The following PRKN variants were observed in gnomAD, a reference collection of about 807,000 sequenced individuals.
PRKN encodes the protein parkin RBR E3 ubiquitin protein ligase.
PRKN carries 56 observed loss-of-function variants against 59.5 expected under a neutral mutation model. That is an observed-to-expected ratio of 0.94 (90% CI 0.76 to 1.18). PRKN has a LOEUF of 1.18. Ranked by LOEUF, PRKN falls within the 50% of genes most tolerant of loss-of-function variation. PRKN has a pLI of 0.00. For missense variants in PRKN, 657 were observed against 596.4 expected (o/e 1.10, Z -1.06); for synonymous variants, 250 against 222.1 (o/e 1.13, Z -1.12).
intron 2 of PRKN, among the ~76,000 whole-genome samples, chr6:162,264,483 A>G (rs2128100861): frequency 6.6e-6 from 1 of 151,834 alleles, no homozygotes. Context: ...GGTGCCCAGC[A>G]CTCACCAACA....
intron 1 of PRKN, among the ~76,000 whole-genome samples, chr6:162,722,407 T>C (rs1476185698): frequency 6.6e-6 from 1 of 152,222 alleles, no homozygotes. Flanking sequence ...GGAGGTGAGC[T>C]GCAACATAAA....
chr6:161,882,987 A>C (rs1425985582), intron 6 of PRKN, among the ~76,000 whole-genome samples: 1 of 151,772 alleles, frequency 6.6e-6, no homozygotes, highest in Non-Finnish European at 1.5e-5. Context: ...CCTGGGCGAC[A>C]AAGTGAGACT....
In PRKN at chr6:161,401,795, T is replaced by G. The variant is rs536700396; in HGVS notation, c.1084-14918A>C. 6.6e-6 allele frequency among the ~76,000 whole-genome samples: 1 copy of G among 152,314 alleles called. No individual in the cohort carries two copies. The highest frequency in any genetic ancestry group is 2.4e-5 in the African/African-American group (1 of 41,564). On this transcript the variant is annotated intron_variant, in intron 9 of 11. Coordinates refer to ENST00000366898, the MANE Select transcript of PRKN (RefSeq NM_004562.3). This position sits in a 1 kb window ranked among gnomAD's most constrained non-coding sequence, Gnocchi z 4.4. ...GGATTTCCGGGGGCTGGACTGGATC[T>G]CAGATGTTTCTGGCCCAGAACCTCT...
chr6:161,646,425 C>T (rs112561967), intron 7 of PRKN, among the ~76,000 whole-genome samples: 2 of 77,694 alleles, frequency 2.6e-5, no homozygotes, highest in East Asian at 7.6e-4. Context: ...TGACAGTGGT[C>T]ACTGCGTGTG....
chr6:161,820,142 A>G (rs1791960679), intron 6 of PRKN, among the ~76,000 whole-genome samples: 2 of 152,100 alleles, frequency 1.3e-5, no homozygotes, highest in Admixed American at 1.3e-4. Flanking sequence ...TTTTTACCAG[A>G]AAGAGAGCAT....
chr6:162,066,278 A>G (rs930345847), intron 4 of PRKN, among the ~76,000 whole-genome samples: 2 of 152,146 alleles, frequency 1.3e-5, no homozygotes, highest in African/African-American at 2.4e-5. Context: ...GCATCCTTCA[A>G]TCGAATCAAG....
chr6:162,344,863 G>T (rs1330306881), intron 2 of PRKN, among the ~76,000 whole-genome samples: 1 of 152,200 alleles, frequency 6.6e-6, no homozygotes, highest in African/African-American at 2.4e-5. Flanking sequence ...TTGGGTTGAA[G>T]CAGTTGCTCA....
intron 7 of PRKN, among the ~76,000 whole-genome samples, chr6:161,763,244 G>A (rs1484415710): frequency 2.0e-5 from 3 of 152,126 alleles, no homozygotes; most frequent in Non-Finnish European, 4.4e-5. Context: ...GAGTTGGCAC[G>A]TTCCTGCCGG....
At chr6:162,121,955 T>G (rs1780932240) in intron 4 of PRKN, among the ~76,000 whole-genome samples, 2 of 152,192 alleles carry the variant, frequency 1.3e-5, no homozygotes, top group Non-Finnish European at 2.9e-5. Flanking sequence ...AGTGATTATT[T>G]GGTGATCATT....
At chr6:162,450,537 G>C (rs1790575308) in intron 1 of PRKN, among the ~76,000 whole-genome samples, 1 of 152,160 alleles carries the variant, frequency 6.6e-6, no homozygotes, top group East Asian at 1.9e-4. Flanking sequence ...CATCAACAGT[G>C]GTAAGTCATC....
In PRKN at chr6:161,467,300, TG is replaced by T. The variant is rs565728650; in HGVS notation, c.1084-80424del. Among the ~76,000 whole-genome samples the T allele has an allele frequency of 5.4e-4, 83 of 152,370 alleles. No homozygotes were observed. The highest frequency in any genetic ancestry group is 5.0e-3 in the South Asian group (24 of 4,832). Reference sequence around the variant, plus strand: ...TCAGTAAATATTATTGAGAGTGGACTGTGTGCCTGGCACTGTGCGGTGAATT... The same window carrying T: ...TCAGTAAATATTATTGAGAGTGGACTTGTGCCTGGCACTGTGCGGTGAATT... On this transcript the variant is annotated intron_variant, in intron 9 of 11. Transcript: ENST00000366898. This position sits in a 1 kb window ranked among gnomAD's most constrained non-coding sequence, Gnocchi z 4.3.
intron 5 of PRKN, among the ~76,000 whole-genome samples, chr6:162,010,078 A>C (rs1274749337): frequency 6.6e-6 from 1 of 150,854 alleles, no homozygotes; most frequent in Non-Finnish European, 1.5e-5. Context: ...GAAGCAATGG[A>C]ACATTTTAGA....
At chr6:162,152,420 T>C (rs942915314) in intron 4 of PRKN, among the ~76,000 whole-genome samples, 1 of 152,160 alleles carries the variant, frequency 6.6e-6, no homozygotes, top group Non-Finnish European at 1.5e-5. Flanking sequence ...CATCATAACT[T>C]CCATCTAACT....
intron 4 of PRKN, among the ~76,000 whole-genome samples, chr6:162,164,259 T>C (rs1782884147): frequency 1.3e-5 from 2 of 149,218 alleles, no homozygotes; most frequent in Non-Finnish European, 3.0e-5. Flanking sequence ...GAGACGGTCT[T>C]GCTCTGTCCT....
chr6:161,455,691 C>T (rs888077258), intron 9 of PRKN, among the ~76,000 whole-genome samples: 7 of 151,636 alleles, frequency 4.6e-5, no homozygotes, highest in African/African-American at 1.7e-4. Context: ...TGGTGAAACC[C>T]CATCTCTACT....
At chr6:162,687,611 G>A (rs73599906) in intron 1 of PRKN, among the ~76,000 whole-genome samples, 2,281 of 152,254 alleles carry the variant, frequency 0.015, 59 homozygotes, top group African/African-American at 0.051. Flanking sequence ...ATCTAAAAAT[G>A]AGAGAAAAGC....
At chr6:162,154,360 G>T (rs1405879578) in intron 4 of PRKN, among the ~76,000 whole-genome samples, 1 of 152,038 alleles carries the variant, frequency 6.6e-6, no homozygotes, top group African/African-American at 2.4e-5. Flanking sequence ...TGAAAATTTG[G>T]TTTCATGTTA....
At chr6:161,867,740 CATTTATTT>C (rs58083987) in intron 6 of PRKN, among the ~76,000 whole-genome samples, 12 of 137,606 alleles carry the variant, frequency 8.7e-5, no homozygotes, top group East Asian at 4.1e-4. Context: ...AAAAATCTTT[CATTTATTT>C]ATTTATTTAT....
intron 3 of PRKN, among the ~76,000 whole-genome samples, chr6:162,252,021 T>C (rs1779456774): frequency 2.0e-5 from 3 of 152,320 alleles, no homozygotes; most frequent in African/African-American, 2.4e-5. Context: ...AAGGTCGAAA[T>C]TGCATTTTCT....
Sources: gnomAD v4.1 joint callset for allele counts (sites outside exome capture counted in the v4.1 genomes callset) on GRCh38, gnomAD v4.1.1 for gene constraint, Gnocchi (gnomAD v3.1) non-coding constraint, MANE v1.5 for transcripts, NCBI Gene and HGNC (gene_info 2026-07-23, HGNC 2026-07-21) for gene names.